The following TCERG1L variants were observed in gnomAD, a reference collection of about 807,000 sequenced individuals.
TCERG1L encodes transcription elongation regulator 1-like protein.
Under a neutral mutation model 56.3 loss-of-function variants are expected in TCERG1L, and 37 were observed. The observed-to-expected ratio is 0.66, with a 90% CI of 0.51 to 0.87. The LOEUF (loss-of-function observed/expected upper bound fraction) is 0.87, where lower values mean the gene tolerates loss of function less well. Ranked by LOEUF, TCERG1L falls within the 40% of genes least tolerant of loss-of-function variation. The pLI, the probability that TCERG1L is intolerant of heterozygous loss-of-function variation, is 0.00. For missense variants in TCERG1L, 799 were observed against 774.2 expected (o/e 1.03, Z -0.38); for synonymous variants, 324 against 326.3 (o/e 0.99, Z 0.08).
At chr10:131,280,333 AC>A (rs1846437499) in intron 3 of TCERG1L, among the ~76,000 whole-genome samples, 1 of 151,450 alleles carries the variant, frequency 6.6e-6, no homozygotes, top group African/African-American at 2.4e-5. Context: ...TCCCAGCTTG[AC>A]TTTTCCCTTT....
intron 8 of TCERG1L, among the ~76,000 whole-genome samples, chr10:131,132,171 T>C (rs1845624998): frequency 6.6e-6 from 1 of 152,084 alleles, no homozygotes; most frequent in Non-Finnish European, 1.5e-5. Context: ...CATGAATGAA[T>C]GCGCAGGACG....
intron 4 of TCERG1L, among the ~76,000 whole-genome samples, chr10:131,170,484 A>G (rs1381467060): frequency 2.0e-5 from 3 of 151,456 alleles, no homozygotes; most frequent in Non-Finnish European, 2.9e-5. Flanking sequence ...CAATGCCTCT[A>G]TTGATCAAAC....
At chr10:131,262,930 C>T (rs1309140610) in intron 3 of TCERG1L, among the ~76,000 whole-genome samples, 1 of 152,020 alleles carries the variant, frequency 6.6e-6, no homozygotes, top group Non-Finnish European at 1.5e-5. Context: ...ACTATGTAGC[C>T]CTTTCAGACT....
At chr10:131,130,667 C>T (rs540940142) in intron 8 of TCERG1L, among the ~76,000 whole-genome samples, 14 of 152,262 alleles carry the variant, frequency 9.2e-5, no homozygotes, top group East Asian at 1.9e-4. Context: ...CGTTCTCTTA[C>T]GGGAGAGGAA....
intron 4 of TCERG1L, among the ~76,000 whole-genome samples, chr10:131,196,259 T>C (rs1845362257): frequency 6.6e-6 from 1 of 152,204 alleles, no homozygotes; most frequent in South Asian, 2.1e-4. Context: ...CTCTGTGAAA[T>C]ATCCTCCATC....
At chr10:131,306,205 C>A (rs1037777074) in intron 3 of TCERG1L, among the ~76,000 whole-genome samples, 1 of 151,988 alleles carries the variant, frequency 6.6e-6, no homozygotes. Flanking sequence ...CTTTCTTTGG[C>A]CTAAGAGACA....
intron 4 of TCERG1L, among the ~76,000 whole-genome samples, chr10:131,213,877 A>G (rs1845642078): frequency 6.6e-6 from 1 of 152,202 alleles, no homozygotes; most frequent in Admixed American, 6.5e-5. Context: ...GCCACGGCCC[A>G]GCAGGAAACC....
At chr10:131,172,610 G>C (rs750020586) in intron 4 of TCERG1L, among the ~76,000 whole-genome samples, 1 of 152,206 alleles carries the variant, frequency 6.6e-6, no homozygotes, top group African/African-American at 2.4e-5. Context: ...CGCTGGCTCC[G>C]CTCGCAGCTG....
intron 3 of TCERG1L, among the ~76,000 whole-genome samples, chr10:131,274,784 G>A (rs1846375731): frequency 6.6e-6 from 1 of 152,162 alleles, no homozygotes; most frequent in Admixed American, 6.5e-5. Context: ...CCCAGGCCGT[G>A]TGACACCGTC....
intron 4 of TCERG1L, among the ~76,000 whole-genome samples, chr10:131,230,634 A>G (rs1265185646): frequency 6.6e-6 from 1 of 152,214 alleles, no homozygotes; most frequent in African/African-American, 2.4e-5. Flanking sequence ...ACAGTGGGAC[A>G]GTGGAGATGG....
chr10:131,255,742 A>G (rs1287764208), intron 4 of TCERG1L, among the ~76,000 whole-genome samples: 2 of 152,258 alleles, frequency 1.3e-5, no homozygotes, highest in African/African-American at 4.8e-5. Flanking sequence ...CAGCTCAGAA[A>G]GAACGCGAGG....
chr10:131,113,913 T>A (rs932251951), intron 9 of TCERG1L, among the ~76,000 whole-genome samples: 2 of 142,762 alleles, frequency 1.4e-5, no homozygotes, highest in Non-Finnish European at 3.1e-5. Flanking sequence ...ATTAATAACC[T>A]GCTGTTCAAT....
intron 3 of TCERG1L, among the ~76,000 whole-genome samples, chr10:131,266,506 C>G (rs766521744): frequency 1.3e-5 from 2 of 152,132 alleles, no homozygotes; most frequent in Non-Finnish European, 2.9e-5. Context: ...GGCTGGAAAC[C>G]TCTGTGGCCA....
At chr10:131,187,003 G>A (rs1845251558) in intron 4 of TCERG1L, among the ~76,000 whole-genome samples, 1 of 152,184 alleles carries the variant, frequency 6.6e-6, no homozygotes, top group African/African-American at 2.4e-5. Context: ...CCTTAGGTTG[G>A]CTGCCCTTCA....
intron 4 of TCERG1L, among the ~76,000 whole-genome samples, chr10:131,186,647 G>A (rs1385494867): frequency 6.6e-6 from 1 of 152,164 alleles, no homozygotes; most frequent in Non-Finnish European, 1.5e-5. Context: ...AGAGGATGCA[G>A]GTGTCTGAGG....
At chr10:131,176,791 TACAC>T (rs1846158764) in intron 4 of TCERG1L, among the ~76,000 whole-genome samples, 8 of 6,812 alleles carry the variant, frequency 1.2e-3, no homozygotes, top group East Asian at 5.1e-3. Context: ...CACACAGAGA[TACAC>T]GTACATACAC....
intron 4 of TCERG1L, among the ~76,000 whole-genome samples, chr10:131,194,361 C>T (rs1010652188): frequency 6.6e-6 from 1 of 152,218 alleles, no homozygotes; most frequent in Non-Finnish European, 1.5e-5. Flanking sequence ...AAAAAAGGCA[C>T]CCGAATTCCT....
Position 131,186,831 on chromosome 10 carries a change from G to A in TCERG1L, c.857-19946C>T, listed in dbSNP as rs139842015. Reference sequence around the variant, plus strand: ...TGGTTGATTTTTGTTTTTTCTCATCGGCTGGTTTTTGTTTTCTCCTCCCCA... The same window carrying A: ...TGGTTGATTTTTGTTTTTTCTCATCAGCTGGTTTTTGTTTTCTCCTCCCCA... On this transcript the variant is annotated intron_variant, in intron 4 of 11. Transcript: ENST00000368642. Among the ~76,000 whole-genome samples, 257 of 152,234 alleles carry A rather than the reference G, an allele frequency of 1.7e-3. 5 individuals are homozygous for A. The highest frequency in any genetic ancestry group is 0.013 in the Admixed American group (192 of 15,296).
At chr10:131,211,733 G>A (rs76513080) in intron 4 of TCERG1L, among the ~76,000 whole-genome samples, 51 of 152,230 alleles carry the variant, frequency 3.4e-4, no homozygotes, top group African/African-American at 1.2e-3. Context: ...CGGTGGACTC[G>A]GGCCTGAGAA....
Sources: allele counts gnomAD v4.1 joint callset (sites outside exome capture counted in the v4.1 genomes callset), GRCh38; gene constraint gnomAD v4.1.1; transcripts MANE v1.5; gene names NCBI Gene and HGNC (gene_info 2026-07-23, HGNC 2026-07-21).